Variants in ANKS6 observed in about 807,000 individuals in gnomAD.
ANKS6 encodes ankyrin repeat and SAM domain-containing protein 6.
ANKS6 carries 47 observed loss-of-function variants against 77.9 expected under a neutral mutation model. That is an observed-to-expected ratio of 0.60 (90% CI 0.48 to 0.77). The LOEUF (loss-of-function observed/expected upper bound fraction) is 0.77. ANKS6 is among the 30% of genes least tolerant of loss of function. The pLI is 0.00. For synonymous variants in ANKS6, 488 were observed against 501.7 expected (o/e 0.97, Z 0.37); for missense variants, 1,150 against 1,159.1 (o/e 0.99, Z 0.11).
intron 1 of ANKS6, 136 bp from the exon 2 acceptor site, chr9:98,790,742 GT>G: frequency 8.1e-7 from 1 of 1,235,218 alleles, no homozygotes; most frequent in Non-Finnish European, 1.1e-6. Flanking sequence ...GCCAGGCACT[GT>G]GCCAGCCACA....
intron 12 of ANKS6, 57 bp from the exon 13 acceptor site, chr9:98,751,153 C>T (rs565764062): frequency 3.7e-5 from 49 of 1,342,022 alleles, no homozygotes; most frequent in Non-Finnish European, 5.0e-5. Context: ...GTAAAGTGGT[C>T]TTCAAACCTT....
At chr9:98,777,589 G>A (rs951051603) in intron 7 of ANKS6, 135 bp from the exon 8 acceptor site, 38 of 754,418 alleles carry the variant, frequency 5.0e-5, no homozygotes, top group Admixed American at 3.4e-4. Context: ...ATTGGTATTC[G>A]ATATTTTAAT....
At chr9:98,744,298 C>G (rs553648388) in intron 14 of ANKS6, among the ~76,000 whole-genome samples, 1 of 152,308 alleles carries the variant, frequency 6.6e-6, no homozygotes, top group Admixed American at 6.5e-5. Flanking sequence ...ACAAAAACCA[C>G]CACCTCCAAT....
At chr9:98,785,425 A>C (rs941919806) in intron 2 of ANKS6, among the ~76,000 whole-genome samples, 1 of 152,238 alleles carries the variant, frequency 6.6e-6, no homozygotes, top group African/African-American at 2.4e-5. Flanking sequence ...CCAAACCTGC[A>C]GACACAGCTG....
At chr9:98,742,839 A>C (rs1554732466) in intron 14 of ANKS6, among the ~76,000 whole-genome samples, 3 of 59,764 alleles carry the variant, frequency 5.0e-5, no homozygotes, top group African/African-American at 6.7e-5. Flanking sequence ...AGAAGAGGGA[A>C]TGGGTGGGGG....
chr9:98,787,990 C>T (rs1834670345), intron 2 of ANKS6, among the ~76,000 whole-genome samples: 1 of 152,234 alleles, frequency 6.6e-6, no homozygotes, highest in South Asian at 2.1e-4. Flanking sequence ...CACTCCAGCA[C>T]CCATTTGTGG....
chr9:98,752,290 G>C (rs1832472675), intron 12 of ANKS6, among the ~76,000 whole-genome samples: 1 of 152,238 alleles, frequency 6.6e-6, no homozygotes, highest in African/African-American at 2.4e-5. Context: ...TGGAGTAAGA[G>C]CATTAGGCAG....
At chr9:98,786,300 T>G (rs1834561312) in intron 2 of ANKS6, among the ~76,000 whole-genome samples, 1 of 151,090 alleles carries the variant, frequency 6.6e-6, no homozygotes, top group Admixed American at 6.6e-5. Context: ...ATTGTTTTTT[T>G]TTTTTTTTTG....
chr9:98,787,049 G>A (rs1469602434), intron 2 of ANKS6, among the ~76,000 whole-genome samples: 1 of 152,238 alleles, frequency 6.6e-6, no homozygotes, highest in Non-Finnish European at 1.5e-5. Context: ...CGCAATGACA[G>A]TTACAGCATC....
At chr9:98,774,218 T>C in intron 8 of ANKS6, 138 bp from the exon 9 acceptor site, 1 of 665,442 alleles carries the variant, frequency 1.5e-6, no homozygotes, top group Non-Finnish European at 2.2e-6. Context: ...CTATGTGGCA[T>C]CTACAGCTCT....
At chr9:98,744,929 T>A (rs536585688) in intron 14 of ANKS6, among the ~76,000 whole-genome samples, 1 of 152,086 alleles carries the variant, frequency 6.6e-6, no homozygotes. Context: ...AATAGCCCAA[T>A]AGCAACTACA....
chr9:98,739,653 T>C (rs1831704182), intron 14 of ANKS6, among the ~76,000 whole-genome samples: 1 of 151,926 alleles, frequency 6.6e-6, no homozygotes. Flanking sequence ...AACCAACAGG[T>C]AGGAATTTTT....
At chr9:98,792,732 A>C (rs1419114256) in intron 1 of ANKS6, among the ~76,000 whole-genome samples, 1 of 152,242 alleles carries the variant, frequency 6.6e-6, no homozygotes, top group Non-Finnish European at 1.5e-5. Context: ...AGGAAACTGA[A>C]GATTACAGTG....
In ANKS6 at chr9:98,734,969, C is replaced by G; in HGVS notation, c.*1550G>C. 2.0e-6 allele frequency: 2 copies of G among 985,438 alleles called. No individual in the cohort carries two copies. Among genetic ancestry groups the G allele is most frequent in the Admixed American group, 1.2e-4 (2 of 16,284 alleles). The allele number at this position is 985,438 out of a possible 1,614,324, so 61.0% of individuals were successfully genotyped here. ...AGGGCAGGGGAAGAAAACTACGAGG[C>G]TCTGGGCAGTAAGTTAACGACAGCC... On this transcript the variant is annotated 3_prime_UTR_variant, in exon 15 of 15. Transcript: ENST00000353234.
rs1831450981 is a variant in ANKS6, at chr9:98,735,521, T to C, written c.*998A>G. On this transcript the variant is annotated 3_prime_UTR_variant, in exon 15 of 15. Transcript: ENST00000353234. Reference sequence around the variant, plus strand: ...TGAGGAACACAGCATTAATAGGATGTAGACAAAATTCCAAATTTTCACTTC... The same window carrying C: ...TGAGGAACACAGCATTAATAGGATGCAGACAAAATTCCAAATTTTCACTTC... The C allele has an allele frequency of 8.1e-7, 1 of 1,229,788 alleles. No individual in the cohort carries two copies. Among genetic ancestry groups the C allele is most frequent in the Non-Finnish European group, 1.0e-6 (1 of 987,320 alleles). The allele number at this position is 1,229,788 out of a possible 1,614,324, so 76.2% of individuals were successfully genotyped here. A position where few individuals can be genotyped will look rare whatever the true frequency, so the allele number is the denominator to read the frequency against.
At chr9:98,767,239 T>C (rs1243864419) in intron 11 of ANKS6, among the ~76,000 whole-genome samples, 1 of 152,216 alleles carries the variant, frequency 6.6e-6, no homozygotes, top group African/African-American at 2.4e-5. Flanking sequence ...GTCCCGGCTC[T>C]GTCCTGCTCA....
Position 98,736,477 on chromosome 9 carries a change from C to T in ANKS6, c.*42G>A, listed in dbSNP as rs933082524. The T allele has an allele frequency of 7.0e-6, 11 of 1,563,232 alleles. No individual in the cohort carries two copies. Among genetic ancestry groups the T allele is most frequent in the South Asian group, 2.4e-5 (2 of 82,626 alleles). On this transcript the variant is annotated 3_prime_UTR_variant, in exon 15 of 15. Coordinates refer to ENST00000353234, the MANE Select transcript of ANKS6 (RefSeq NM_173551.5). ...GGGCTGTGGCCACGTGAAGGGGTCCCGGGATTCAGAGAGCTCACGCTGGTG... is the reference window on the plus strand; with the variant it reads ...GGGCTGTGGCCACGTGAAGGGGTCCTGGGATTCAGAGAGCTCACGCTGGTG...
chr9:98,767,738 C>T (rs1833379123), intron 11 of ANKS6, among the ~76,000 whole-genome samples: 1 of 152,222 alleles, frequency 6.6e-6, no homozygotes, highest in African/African-American at 2.4e-5. Flanking sequence ...TGAACCCAGG[C>T]AGGTTGCTCC....
intron 5 of ANKS6, 44 bp downstream of exon 5, chr9:98,782,423 G>C (rs769023618): frequency 6.4e-7 from 1 of 1,562,378 alleles, no homozygotes; most frequent in South Asian, 1.1e-5. Context: ...CCCAGTCCAA[G>C]AAACGCTGGG....
Sources: gnomAD v4.1 joint callset for allele counts (sites outside exome capture counted in the v4.1 genomes callset) on GRCh38, gnomAD v4.1.1 for gene constraint, MANE v1.5 for transcripts, NCBI Gene and HGNC (gene_info 2026-07-23, HGNC 2026-07-21) for gene names.